The following MED1 variants were observed in gnomAD, a reference collection of about 807,000 sequenced individuals.
The protein encoded by MED1 is mediator of RNA polymerase II transcription subunit 1.
A neutral mutation model predicts 121.3 loss-of-function variants in MED1; 17 were observed. The observed-to-expected ratio is 0.14, with a 90% CI of 0.10 to 0.21. The LOEUF is 0.21. Ranked by LOEUF, MED1 falls within the 10% of genes least tolerant of loss-of-function variation. The pLI is 1.00. For synonymous variants in MED1, 661 were observed against 694.4 expected (o/e 0.95, Z 0.76); for missense variants, 1,558 against 1,919.4 (o/e 0.81, Z 3.52).
At chr17:39,446,189 G>A (rs146199602) in intron 2 of MED1, among the ~76,000 whole-genome samples, 54 of 152,004 alleles carry the variant, frequency 3.6e-4, no homozygotes, top group Middle Eastern at 3.4e-3. Flanking sequence ...CAGTGGCTAC[G>A]CCTGTAATCC....
intron 13 of MED1, among the ~76,000 whole-genome samples, chr17:39,421,877 C>T (rs1298186851): frequency 6.6e-6 from 1 of 151,706 alleles, no homozygotes; most frequent in African/African-American, 2.4e-5. Flanking sequence ...GCCTGCAATC[C>T]TAGCACTTTG....
At chr17:39,427,439 C>G in intron 10 of MED1, 1 of 202,414 alleles carries the variant, frequency 4.9e-6, no homozygotes, top group South Asian at 9.0e-5. Context: ...CTCAGCCTCC[C>G]AAAGTGCTGG....
At chr17:39,435,400 G>A (rs993985344) in intron 6 of MED1, among the ~76,000 whole-genome samples, 3 of 152,024 alleles carry the variant, frequency 2.0e-5, no homozygotes, top group East Asian at 1.9e-4. Context: ...TTCAGGCTTC[G>A]ATTGTCGGAC....
chr17:39,448,582 TAG>T (rs1258902476), intron 1 of MED1, among the ~76,000 whole-genome samples: 1 of 145,172 alleles, frequency 6.9e-6, no homozygotes, highest in Non-Finnish European at 1.5e-5. Flanking sequence ...TGAACTGGGC[TAG>T]AGAGGAAAAT....
At position 39,407,818 on chromosome 17, in the gene MED1, C is replaced by T; in HGVS notation, c.4403G>A (p.Gly1468Asp). The T allele has an allele frequency of 1.9e-6, 3 of 1,614,108 alleles. No individual in the cohort carries two copies. The highest frequency in any genetic ancestry group is 2.5e-6 in the Non-Finnish European group (3 of 1,180,020). Residue 1468 changes from glycine to aspartate, a missense_variant, in exon 17 of 17, where the codon GGC becomes GAC. Physicochemically the swap from Gly to Asp is moderately conservative, Grantham distance 94. Around this residue, in one of 5 missense-constraint regions of MED1, gnomAD observed 264 missense variants for 326.1 expected, o/e 0.81. Transcript: ENST00000300651. ...PQNLDSESES[G>D]SSIAEKSYQN... ...ATAAGATTTCTCTGCTATGGAGGAG[C>T]CTGACTCACTTTCACTGTCCAGATT...
intron 13 of MED1, among the ~76,000 whole-genome samples, chr17:39,422,226 C>T (rs1356078923): frequency 1.3e-5 from 2 of 151,314 alleles, no homozygotes. Context: ...CGCAGTGGTG[C>T]GATCTTGGCT....
Position 39,431,128 on chromosome 17 carries a change from T to C in MED1, c.636A>G (p.Thr212=). 1 of 1,613,098 alleles carries C rather than the reference T, an allele frequency of 6.2e-7. No individual in the cohort carries two copies. Among genetic ancestry groups the C allele is most frequent in the South Asian group, 1.1e-5 (1 of 91,060 alleles). Residue 212 remains threonine, a synonymous_variant, in exon 9 of 17, where the codon ACA becomes ACG. Transcript: ENST00000300651. ...AGGATCACGTACCCCCACTCCTTGGTGTGAGATAGCCAACACTTCCATGAA... is the reference window on the plus strand; with the variant it reads ...AGGATCACGTACCCCCACTCCTTGGCGTGAGATAGCCAACACTTCCATGAA... ...KILHGSVGYL[T]PRSGGHLMNL... is the part of the protein sequence containing the mutation.
At chr17:39,417,330 A>C (rs1310389109) in intron 14 of MED1, among the ~76,000 whole-genome samples, 1 of 128,042 alleles carries the variant, frequency 7.8e-6, no homozygotes, top group Non-Finnish European at 1.5e-5. Context: ...ACTCCGTCTC[A>C]AAAAAAAAAA....
chr17:39,415,023 T>C lies in MED1; in HGVS notation c.1499+3A>G, dbSNP rs1247013470. On this transcript the variant is annotated splice_donor_region_variant and intron_variant, in intron 16 of 16. Coordinates refer to ENST00000300651, the MANE Select transcript of MED1 (RefSeq NM_004774.4). Reference sequence around the variant, plus strand: ...GACTCAGATGAAAAAGGGCCAAGGCTACCTTTGAACAACTTTGGCAATGAA... The same window carrying C: ...GACTCAGATGAAAAAGGGCCAAGGCCACCTTTGAACAACTTTGGCAATGAA... 4.3e-6 allele frequency: 7 copies of C among 1,613,122 alleles called. No individual in the cohort carries two copies. In the South Asian group the frequency reaches 5.5e-5, roughly 13 times the overall value.
At chr17:39,419,284 T>C (rs755190417) in intron 14 of MED1, among the ~76,000 whole-genome samples, 52 of 150,320 alleles carry the variant, frequency 3.5e-4, no homozygotes, top group Non-Finnish European at 7.4e-5. Flanking sequence ...GCCATGTTCC[T>C]CAGACCGATC....
intron 7 of MED1, among the ~76,000 whole-genome samples, chr17:39,433,527 C>CTATATATATATATATA (rs149231162): frequency 1.4e-4 from 20 of 144,372 alleles, no homozygotes; most frequent in African/African-American, 4.6e-4. Context: ...TTTTTTGTTA[C>CTATATATATATATATA]TATATATATA....
intron 1 of MED1, 56 bp from the exon 2 acceptor site, chr17:39,447,960 G>T: frequency 8.6e-7 from 1 of 1,164,820 alleles, no homozygotes; most frequent in Non-Finnish European, 1.3e-6. Flanking sequence ...ACCATCCACA[G>T]TTTTCCTTGC....
chr17:39,407,295 G>C lies in MED1; in HGVS notation c.*180C>G, dbSNP rs182720315. The C allele has an allele frequency of 7.4e-6, 9 of 1,216,040 alleles. No individual in the cohort carries two copies. Among genetic ancestry groups the C allele is most frequent in the Non-Finnish European group, 8.2e-6 (8 of 980,022 alleles). The allele number at this position is 1,216,040 out of a possible 1,614,324, so 75.3% of individuals were successfully genotyped here. On this transcript the variant is annotated 3_prime_UTR_variant, in exon 17 of 17. Coordinates refer to ENST00000300651, the MANE Select transcript of MED1 (RefSeq NM_004774.4). ...CCTGGTAACCAGAATCAAACCCTGT[G>C]GTTTCTTTAATAGGGTCTGGATATG...
In MED1 at chr17:39,407,484, A is replaced by C. The variant is rs1257860124; in HGVS notation, c.4737T>G (p.Ile1579Met). 5 of 1,593,544 alleles carry C rather than the reference A, an allele frequency of 3.1e-6. No homozygotes were observed. In the African/African-American group the frequency reaches 4.1e-5, roughly 13 times the overall value. The change falls in exon 17 of 17, where the codon ATT becomes ATG. Residue 1579 changes from isoleucine to methionine, a missense_variant. Physicochemically the swap from Ile to Met is conservative, Grantham distance 10 (BLOSUM62 1). Around this residue, in one of 5 missense-constraint regions of MED1, gnomAD observed 264 missense variants for 326.1 expected, o/e 0.81. Transcript: ENST00000300651. Reference protein sequence around the residue: ...EDDDLMDVALIGN With the variant: ...EDDDLMDVALMGN ...TTAGGAAATAAGGTTCCTAATTCCC[A>C]ATCAGGGCCACATCCATAAGATCAT...
intron 7 of MED1, among the ~76,000 whole-genome samples, chr17:39,432,696 G>A (rs2048576870): frequency 6.6e-6 from 1 of 151,600 alleles, no homozygotes; most frequent in African/African-American, 2.4e-5. Flanking sequence ...GGAGGTTGCA[G>A]TGAACCGAGA....
chr17:39,450,353 A>G (rs2048770601), intron 1 of MED1, among the ~76,000 whole-genome samples: 2 of 152,198 alleles, frequency 1.3e-5, no homozygotes, highest in South Asian at 4.1e-4. Context: ...AGCGACTATT[A>G]CGTGCCAGAA....
In MED1 at chr17:39,448,309, G is replaced by T. The variant is rs1266075775; in HGVS notation, c.26-405C>A. 3.3e-5 allele frequency among the ~76,000 whole-genome samples: 5 copies of T among 151,352 alleles called. No individual in the cohort carries two copies. In the East Asian group the frequency reaches 7.8e-4, roughly 24 times the overall value. On this transcript the variant is annotated intron_variant, in intron 1 of 16. Coordinates refer to ENST00000300651, the MANE Select transcript of MED1 (RefSeq NM_004774.4). ...TGCTTGAATCCAGGAGGCAGAGGTT[G>T]CAGTGAGCCGAGATCACACTATTGC...
Position 39,409,496 on chromosome 17 carries a change from G to A in MED1, c.2725C>T (p.Pro909Ser), listed in dbSNP as rs1325158440. 6.2e-7 allele frequency: 1 copy of A among 1,613,930 alleles called. No homozygotes were observed. The highest frequency in any genetic ancestry group is 1.3e-5 in the African/African-American group (1 of 74,858). The stretch of plus-strand genomic sequence containing the variant: ...TCCCCATTATCACCTCCAAGCATTG[G>A]CACCCCCAAAGTATTTAGTGCCTGA... ...ASQALNTLGV[P>S]MLGGDNGETK... The change falls in exon 17 of 17, where the codon CCA (proline) becomes TCA (serine). Residue 909 changes from proline to serine, a missense_variant. Physicochemically the swap from Pro to Ser is moderately conservative, Grantham distance 74 (BLOSUM62 -1). Transcript: ENST00000300651.
chr17:39,407,133 A>G lies in MED1; in HGVS notation c.*342T>C. 2.0e-6 allele frequency: 2 copies of G among 1,007,086 alleles called. No individual in the cohort carries two copies. The highest frequency in any genetic ancestry group is 4.6e-5 in the South Asian group (1 of 21,916). The allele number at this position is 1,007,086 out of a possible 1,614,324, so 62.4% of individuals were successfully genotyped here. On this transcript the variant is annotated 3_prime_UTR_variant, in exon 17 of 17. Transcript: ENST00000300651. Reference sequence around the variant, plus strand: ...TAAAACATGGCCTAAAAATGGAAAAAGGGAGAAGAAAATATATATGAATAT... The same window carrying G: ...TAAAACATGGCCTAAAAATGGAAAAGGGGAGAAGAAAATATATATGAATAT...
Sources: allele counts gnomAD v4.1 joint callset (sites outside exome capture counted in the v4.1 genomes callset), GRCh38; gene constraint gnomAD v4.1.1; regional missense constraint gnomAD v4.1.1; transcripts MANE v1.5; gene names NCBI Gene and HGNC (gene_info 2026-07-23, HGNC 2026-07-21).